ZBTB47: variants seen among roughly 807,000 people sequenced by gnomAD.
The protein encoded by ZBTB47 is zinc finger and BTB domain-containing protein 47.
In ZBTB47, 24 loss-of-function variants were observed where a neutral mutation model predicts 56.6. That is an observed-to-expected ratio of 0.42 (90% CI 0.31 to 0.60). ZBTB47 has a LOEUF of 0.60. Among genes scored for constraint, ZBTB47 ranks in the 20% least tolerant of loss-of-function variants. ZBTB47 has a pLI of 0.14. For synonymous variants in ZBTB47, 414 were observed against 418.9 expected, an observed-to-expected ratio of 0.99 and a Z score of 0.14; for missense variants, 829 against 1,032.6, an observed-to-expected ratio of 0.80 and a Z score of 2.70.
At chr3:42,664,141 G>A in intron 5 of ZBTB47, 96 bp from the exon 6 acceptor site, 1 of 1,530,114 alleles carries the variant, frequency 6.5e-7, no homozygotes, top group Non-Finnish European at 8.8e-7. Flanking sequence ...CGCCGGGGCT[G>A]GGCCCCACTA....
At chr3:42,660,500 G>T (rs1710700845) in intron 2 of ZBTB47, among the ~76,000 whole-genome samples, 1 of 152,204 alleles carries the variant, frequency 6.6e-6, no homozygotes, top group Non-Finnish European at 1.5e-5. Flanking sequence ...TGGCTGCTGG[G>T]CCTTGAGCCA....
chr3:42,661,822 T>G (rs1710725504), intron 3 of ZBTB47, among the ~76,000 whole-genome samples, 190 bp downstream of exon 3: 1 of 152,198 alleles, frequency 6.6e-6, no homozygotes, highest in Non-Finnish European at 1.5e-5. Context: ...AGGGCTGGCA[T>G]GTACAGTTGG....
Position 42,659,093 on chromosome 3 carries a change from C to G in ZBTB47, c.738C>G (p.His246Gln). 6.7e-7 allele frequency: 1 copy of G among 1,502,254 alleles called. No homozygotes were observed. The highest frequency in any genetic ancestry group is 8.9e-7 in the Non-Finnish European group (1 of 1,129,118). 93.1% of individuals were successfully genotyped at this position (1,502,254 alleles called of 1,614,324 possible). A position where few individuals can be genotyped will look rare whatever the true frequency, so the allele number is the denominator to read the frequency against. ...VEVNLNNQTL[H>Q]VSTGPEGKPG... is the part of the protein sequence containing the mutation. Reference sequence around the variant, plus strand: ...TGAACCTCAACAACCAGACACTGCACGTGTCCACGGGGCCAGAGGGGAAGC... The same window carrying G: ...TGAACCTCAACAACCAGACACTGCAGGTGTCCACGGGGCCAGAGGGGAAGC... The change falls in exon 2 of 6, where the codon CAC becomes CAG. Residue 246 changes from histidine to glutamine, a missense_variant. By Grantham distance (24) the His-to-Gln change is conservative. Transcript: ENST00000232974.
chr3:42,659,139 G>A lies in ZBTB47; in HGVS notation c.784G>A (p.Ala262Thr), dbSNP rs1351901897. 2 of 1,504,450 alleles carry A rather than the reference G, an allele frequency of 1.3e-6. No individual in the cohort carries two copies. The highest frequency in any genetic ancestry group is 2.6e-5 in the South Asian group (2 of 77,876). The allele number at this position is 1,504,450 out of a possible 1,614,324, so 93.2% of individuals were successfully genotyped here. ...GAAGCCAGGTGCCGGGCCAAGCCCA[G>A]CCACCGTGGTTCTGGGCCGGGAGGA... is the stretch of plus-strand genomic sequence containing the variant. ...EGKPGAGPSP[A>T]TVVLGREDGL... is the part of the protein sequence containing the mutation. Residue 262 changes from alanine to threonine, a missense_variant, in exon 2 of 6, where the codon GCC becomes ACC. Coordinates refer to ENST00000232974, the MANE Select transcript of ZBTB47 (RefSeq NM_145166.4).
intron 5 of ZBTB47, 102 bp from the exon 6 acceptor site, chr3:42,664,135 G>A (rs2125839023): frequency 1.3e-6 from 2 of 1,514,848 alleles, no homozygotes; most frequent in South Asian, 1.3e-5. Flanking sequence ...TGAGAGCGCC[G>A]GGGCTGGGCC....
In ZBTB47 at chr3:42,656,968, C is replaced by T. The variant is rs966134541; in HGVS notation, c.-81-1307C>T. ...CAAAATATTGTGGCAAGGTACCTCC[C>T]GAATGCAGGAGGCTCAGACCTGGTT... On this transcript the variant is annotated intron_variant, in intron 1 of 5. Transcript: ENST00000232974. This position sits in a 1 kb window ranked among gnomAD's most constrained non-coding sequence, Gnocchi z 5.8. Among the ~76,000 whole-genome samples, 3 of 152,178 alleles carry T rather than the reference C, an allele frequency of 2.0e-5. No homozygotes were observed. The highest frequency in any genetic ancestry group is 4.8e-5 in the African/African-American group (2 of 41,440).
At position 42,659,759 on chromosome 3, in the gene ZBTB47, C is replaced by T. The variant is rs770741364; in HGVS notation, c.1404C>T (p.Cys468=). ...GCCGCATGCAGATCTGCGACCAGTGCGGCAAGCGCTTCCTGCTGGAGAGCG... is the reference window on the plus strand; with the variant it reads ...GCCGCATGCAGATCTGCGACCAGTGTGGCAAGCGCTTCCTGCTGGAGAGCG... ...THSRMQICDQ[C]GKRFLLESEL... is the part of the protein sequence containing the mutation. Residue 468 remains cysteine (C), a synonymous_variant, in exon 2 of 6, where the codon TGC becomes TGT. Coordinates refer to ENST00000232974, the MANE Select transcript of ZBTB47 (RefSeq NM_145166.4). 2.4e-5 allele frequency: 39 copies of T among 1,613,666 alleles called. No individual in the cohort carries two copies. The highest frequency in any genetic ancestry group is 3.1e-5 in the Non-Finnish European group (36 of 1,179,824).
chr3:42,661,743 C>T (rs1431089627), intron 3 of ZBTB47, 111 bp downstream of exon 3: 2 of 1,428,306 alleles, frequency 1.4e-6, no homozygotes, highest in East Asian at 4.8e-5. Flanking sequence ...GTGAGGAGGC[C>T]CCTCTCAGCT....
chr3:42,659,290 G>T lies in ZBTB47; in HGVS notation c.935G>T (p.Gly312Val). ...GAGGAGGAAGAGGGTGGCAGTCAGG[G>T]AGAAGAGGAAGAAGAGGAGGAGGAC... ...EEEEEEGGSQ[G>V]EEEEEEEDGH... Residue 312 changes from glycine (G) to valine (V), a missense_variant, in exon 2 of 6, where the codon GGA becomes GTA. Transcript: ENST00000232974. 2 of 1,501,338 alleles carry T rather than the reference G, an allele frequency of 1.3e-6. No individual in the cohort carries two copies. Among genetic ancestry groups the T allele is most frequent in the Non-Finnish European group, 1.8e-6 (2 of 1,117,372 alleles). The allele number at this position is 1,501,338 out of a possible 1,614,324, so 93.0% of individuals were successfully genotyped here.
Position 42,664,319 on chromosome 3 carries a change from G to A in ZBTB47, c.1965G>A (p.Thr655=), listed in dbSNP as rs547055320. Residue 655 remains threonine, a synonymous_variant, in exon 6 of 6, where the codon ACG becomes ACA. Coordinates refer to ENST00000232974, the MANE Select transcript of ZBTB47 (RefSeq NM_145166.4). ...PNMKRHRRTH[T]GEKPYPCDVC... is the part of the protein sequence containing the mutation. The stretch of plus-strand genomic sequence containing the variant: ...TGAAGCGGCACCGGCGCACGCACAC[G>A]GGCGAGAAGCCGTACCCGTGCGACG... 2.5e-6 allele frequency: 4 copies of A among 1,612,266 alleles called. No individual in the cohort carries two copies. The highest frequency in any genetic ancestry group is 3.4e-6 in the Non-Finnish European group (4 of 1,179,668).
At chr3:42,658,200 TG>T in intron 1 of ZBTB47, 74 bp from the exon 2 acceptor site, 1 of 1,406,148 alleles carries the variant, frequency 7.1e-7, no homozygotes, top group Non-Finnish European at 9.3e-7. Flanking sequence ...CTGGCAATGC[TG>T]GGAGTGGTGC....
At position 42,654,702 on chromosome 3, in the gene ZBTB47, A is replaced by T. The variant is rs1710615671; in HGVS notation, c.-82+819A>T. The T allele has an allele frequency of 1.0e-6, 1 of 984,650 alleles. No individual in the cohort carries two copies. The allele number at this position is 984,650 out of a possible 1,614,324, so 61.0% of individuals were successfully genotyped here. On this transcript the variant is annotated intron_variant, in intron 1 of 5. Transcript: ENST00000232974. This position sits in a 1 kb window ranked among gnomAD's most constrained non-coding sequence, Gnocchi z 5.0. Reference sequence around the variant, plus strand: ...CCAGCGCCACGGCACCATGGTACGCAGGGCCCTGCCTGTCCCCCCGCTTAT... The same window carrying T: ...CCAGCGCCACGGCACCATGGTACGCTGGGCCCTGCCTGTCCCCCCGCTTAT...
Position 42,658,569 on chromosome 3 carries a change from A to G in ZBTB47, c.214A>G (p.Asn72Asp). 1 of 1,537,152 alleles carries G rather than the reference A, an allele frequency of 6.5e-7. No homozygotes were observed. The highest frequency in any genetic ancestry group is 8.7e-7 in the Non-Finnish European group (1 of 1,146,924). Residue 72 changes from asparagine to aspartate, a missense_variant, in exon 2 of 6, where the codon AAC becomes GAC. Transcript: ENST00000232974. ...ACCTGGTGGCCTGCAGCAGATCCTC[A>G]ACTTCATCTATACGTCCAAGCTGCT... ...LAPGGLQQIL[N>D]FIYTSKLLVN...
Position 42,666,176 on chromosome 3 carries a change from C to T in ZBTB47, c.*1578C>T, listed in dbSNP as rs1710786140. ...TACAGATTTGGGCAGGCCCAAGGTGCCCGAGTGATCTGAGGATTTATAATC... is the reference window on the plus strand; with the variant it reads ...TACAGATTTGGGCAGGCCCAAGGTGTCCGAGTGATCTGAGGATTTATAATC... On this transcript the variant is annotated 3_prime_UTR_variant, in exon 6 of 6. Transcript: ENST00000232974. Among the ~76,000 whole-genome samples, 1 of 152,230 alleles carries T rather than the reference C, an allele frequency of 6.6e-6. No individual in the cohort carries two copies. The highest frequency in any genetic ancestry group is 1.9e-4 in the East Asian group (1 of 5,190).
Position 42,659,465 on chromosome 3 carries a change from C to A in ZBTB47, c.1110C>A (p.Asp370Glu). 2 of 1,512,118 alleles carry A rather than the reference C, an allele frequency of 1.3e-6. No homozygotes were observed. Among genetic ancestry groups the A allele is most frequent in the Non-Finnish European group, 1.8e-6 (2 of 1,136,038 alleles). The allele number at this position is 1,512,118 out of a possible 1,614,324, so 93.7% of individuals were successfully genotyped here. The change falls in exon 2 of 6, where the codon GAC becomes GAA. Residue 370 changes from aspartate to glutamate, a missense_variant. Asp to Glu is a conservative substitution (Grantham distance 45). Coordinates refer to ENST00000232974, the MANE Select transcript of ZBTB47 (RefSeq NM_145166.4). ...GGGGAAGCCGAAGCAGCCGGGCAGA[C>A]CCCCCTCCCCACAGTCACATGGCCA... ...GPRGSRSSRA[D>E]PPPHSHMATR...
chr3:42,655,699 G>A (rs907772702), intron 1 of ZBTB47, among the ~76,000 whole-genome samples: 1 of 152,214 alleles, frequency 6.6e-6, no homozygotes, highest in African/African-American at 2.4e-5. Context: ...GTGTGGGAGG[G>A]GCCAGACATG....
intron 3 of ZBTB47, 42 bp downstream of exon 3, chr3:42,661,674 T>G (rs1425448723): frequency 6.2e-7 from 1 of 1,606,204 alleles, no homozygotes; most frequent in South Asian, 1.1e-5. Context: ...AGGATAGAGA[T>G]GGACCAGCTT....
chr3:42,660,661 T>C (rs1490250673), intron 2 of ZBTB47, among the ~76,000 whole-genome samples: 3 of 152,188 alleles, frequency 2.0e-5, no homozygotes, highest in Non-Finnish European at 4.4e-5. Flanking sequence ...TAATTGCTAA[T>C]TGCAGTGCCC....
chr3:42,659,942 G>C, intron 2 of ZBTB47, 114 bp downstream of exon 2: 1 of 1,395,816 alleles, frequency 7.2e-7, no homozygotes, highest in South Asian at 1.5e-5. Flanking sequence ...GGTCTGCGGA[G>C]ACCAGACTTA....
Sources: gnomAD v4.1 joint callset for allele counts (sites outside exome capture counted in the v4.1 genomes callset) on GRCh38, gnomAD v4.1.1 for gene constraint, Gnocchi (gnomAD v3.1) non-coding constraint, MANE v1.5 for transcripts, NCBI Gene and HGNC (gene_info 2026-07-23, HGNC 2026-07-21) for gene names.